ADORA2B: variants seen among roughly 807,000 people sequenced by gnomAD.
The protein encoded by ADORA2B is adenosine A2b receptor, also known as adenosine receptor A2b.
In ADORA2B, 18 loss-of-function variants were observed where a neutral mutation model predicts 20.8. The ratio of observed to expected loss-of-function variants is 0.87; its 90% CI spans 0.60 to 1.29. The LOEUF is 1.29. Among genes scored for constraint, ADORA2B ranks in the 50% most tolerant of loss-of-function variants. The probability of loss-of-function intolerance (pLI) is 0.00; values close to 1 mark genes in which losing one functional copy is unlikely to be tolerated. For missense variants in ADORA2B, 441 were observed against 422.7 expected, an observed-to-expected ratio of 1.04 and a Z score of -0.38; for synonymous variants, 179 against 178.3, an observed-to-expected ratio of 1.00 and a Z score of -0.03.
At chr17:15,974,029 T>C (rs1597432774) in intron 1 of ADORA2B, 1 of 151,218 alleles carries the variant, frequency 6.6e-6, no homozygotes, top group Non-Finnish European at 1.5e-5. Flanking sequence ...TGGAAGATAA[T>C]TTATGGACAG....
chr17:15,867,515 C>T, the ADORA2B span, among the ~76,000 whole-genome samples: 1 of 149,396 alleles, frequency 6.7e-6, no homozygotes, highest in African/African-American at 2.5e-5. Context: ...CCGGCGGCCA[C>T]TCTGTCTGGG....
intron 1 of ADORA2B, among the ~76,000 whole-genome samples, chr17:15,949,699 C>T (rs1423753721): frequency 7.9e-5 from 12 of 151,780 alleles, no homozygotes; most frequent in African/African-American, 2.2e-4. Flanking sequence ...GATGAAACCC[C>T]GTCTCTACTA....
chr17:15,883,921 A>G, the ADORA2B span, among the ~76,000 whole-genome samples: 1 of 152,242 alleles, frequency 6.6e-6, no homozygotes, highest in African/African-American at 2.4e-5. Flanking sequence ...GCTAGCAGTG[A>G]TGAAATATTT....
intron 1 of ADORA2B, among the ~76,000 whole-genome samples, chr17:15,969,181 A>T (rs868198069): frequency 3.3e-5 from 5 of 152,016 alleles, no homozygotes; most frequent in African/African-American, 9.7e-5. Flanking sequence ...CCGGGCGTGG[A>T]GGCTCACGCC....
intron 1 of ADORA2B, among the ~76,000 whole-genome samples, chr17:15,969,013 C>T (rs1206964305): frequency 6.6e-6 from 1 of 152,290 alleles, no homozygotes; most frequent in African/African-American, 2.4e-5. Context: ...GAGATGCTGG[C>T]CCATCTTCTC....
intron 1 of ADORA2B, among the ~76,000 whole-genome samples, chr17:15,970,931 G>A (rs569313866): frequency 3.2e-4 from 48 of 152,314 alleles, no homozygotes; most frequent in African/African-American, 9.9e-4. Context: ...ATGGGGCAGA[G>A]CTGTCCTTAT....
chr17:15,897,568 AAAAAC>A, the ADORA2B span, among the ~76,000 whole-genome samples: 1 of 152,122 alleles, frequency 6.6e-6, no homozygotes, highest in Non-Finnish European at 1.5e-5. Context: ...ACTCTGTCTC[AAAAAC>A]AAAACAAAAC....
intron 1 of ADORA2B, among the ~76,000 whole-genome samples, chr17:15,957,907 G>A (rs1375452701): frequency 6.6e-6 from 1 of 151,840 alleles, no homozygotes; most frequent in Non-Finnish European, 1.5e-5. Flanking sequence ...GCTGATTTTA[G>A]CACCACTGCT....
At chr17:15,954,135 C>T (rs530279309) in intron 1 of ADORA2B, among the ~76,000 whole-genome samples, 9 of 152,126 alleles carry the variant, frequency 5.9e-5, no homozygotes, top group East Asian at 5.8e-4. Flanking sequence ...CGTGCCACCA[C>T]GCCTGGCTAA....
chr17:15,965,634 G>A (rs1019149997), intron 1 of ADORA2B, among the ~76,000 whole-genome samples: 1 of 152,268 alleles, frequency 6.6e-6, no homozygotes, highest in African/African-American at 2.4e-5. Context: ...GTGGAATAGT[G>A]GGAGGAGAAT....
Position 15,945,277 on chromosome 17 carries a change from A to C in ADORA2B, c.29A>C (p.Tyr10Ser). The C allele has an allele frequency of 2.0e-6, 3 of 1,520,232 alleles. No homozygotes were observed. The highest frequency in any genetic ancestry group is 2.6e-6 in the Non-Finnish European group (3 of 1,137,256). 94.2% of individuals were successfully genotyped at this position (1,520,232 alleles called of 1,614,324 possible). A position where few individuals can be genotyped will look rare whatever the true frequency, so the allele number is the denominator to read the frequency against. ...CTGCTGGAGACACAGGACGCGCTGT[A>C]CGTGGCGCTGGAGCTGGTCATCGCC... MLLETQDAL[Y>S]VALELVIAAL... Residue 10 changes from tyrosine (Y) to serine (S), a missense_variant, in exon 1 of 2, where the codon TAC becomes TCC. Physicochemically the swap from Tyr to Ser is moderately radical, Grantham distance 144. Coordinates refer to ENST00000304222, the MANE Select transcript of ADORA2B (RefSeq NM_000676.4).
the ADORA2B span, among the ~76,000 whole-genome samples, chr17:15,901,601 C>T: frequency 1.3e-5 from 2 of 152,154 alleles, no homozygotes; most frequent in Non-Finnish European, 2.9e-5. Flanking sequence ...CATGGAGGTT[C>T]TGCAAAATGA....
At chr17:15,911,504 G>C in the ADORA2B span, among the ~76,000 whole-genome samples, 1 of 152,150 alleles carries the variant, frequency 6.6e-6, no homozygotes, top group South Asian at 2.1e-4. Flanking sequence ...TTTCTATGCT[G>C]GATGGTGTTG....
the ADORA2B span, among the ~76,000 whole-genome samples, chr17:15,877,898 CT>C: frequency 1.3e-3 from 193 of 152,118 alleles, 3 homozygotes; most frequent in African/African-American, 4.0e-3. Flanking sequence ...ATTTAGTTTG[CT>C]TAGGTCTGTT....
At chr17:15,874,089 TATGTATACACACACACAC>T in the ADORA2B span, among the ~76,000 whole-genome samples, 1 of 139,930 alleles carries the variant, frequency 7.1e-6, no homozygotes, top group Non-Finnish European at 1.5e-5. Flanking sequence ...TATGTATATA[TATGTATACACACACACAC>T]ATATATACAT....
At chr17:15,945,727 C>G (rs867677913) in intron 1 of ADORA2B, 144 bp downstream of exon 1, 2 of 747,228 alleles carry the variant, frequency 2.7e-6, no homozygotes, top group Non-Finnish European at 4.2e-6. Flanking sequence ...TGGTTCCCAG[C>G]CTGGCCACCC....
At chr17:15,953,554 C>T (rs1262818308) in intron 1 of ADORA2B, among the ~76,000 whole-genome samples, 1 of 152,234 alleles carries the variant, frequency 6.6e-6, no homozygotes, top group African/African-American at 2.4e-5. Flanking sequence ...AGGCCCGTGG[C>T]TCATGCCAGC....
intron 1 of ADORA2B, among the ~76,000 whole-genome samples, chr17:15,963,131 C>G (rs1277021529): frequency 6.6e-6 from 1 of 152,004 alleles, no homozygotes; most frequent in Non-Finnish European, 1.5e-5. Flanking sequence ...TAGTGAATTA[C>G]AAGAACTCTT....
At chr17:15,964,258 G>A (rs1970073200) in intron 1 of ADORA2B, among the ~76,000 whole-genome samples, 1 of 152,098 alleles carries the variant, frequency 6.6e-6, no homozygotes, top group African/African-American at 2.4e-5. Context: ...TAAATGTTTG[G>A]CAGAATTAGT....
Sources: allele counts gnomAD v4.1 joint callset (sites outside exome capture counted in the v4.1 genomes callset), GRCh38; gene constraint gnomAD v4.1.1; transcripts MANE v1.5; gene names NCBI Gene and HGNC (gene_info 2026-07-23, HGNC 2026-07-21).